Variants in PDZD2 observed in about 807,000 individuals in gnomAD.
The protein encoded by PDZD2 is PDZ domain containing 2.
In PDZD2, 90 loss-of-function variants were observed where a neutral mutation model predicts 220.7. That is an observed-to-expected ratio of 0.41 (90% confidence interval 0.34 to 0.49). The LOEUF is 0.49. Among genes scored for constraint, PDZD2 ranks in the 20% least tolerant of loss-of-function variants. The probability of loss-of-function intolerance (pLI) is 0.28; values close to 1 mark genes in which losing one functional copy is unlikely to be tolerated. For missense variants in PDZD2, 3,174 were observed against 3,608.5 expected (o/e 0.88, Z 3.08); for synonymous variants, 1,375 against 1,450.5 (o/e 0.95, Z 1.18).
intron 6 of PDZD2, among the ~76,000 whole-genome samples, chr5:32,025,650 G>GGAGGGC (rs577532730): frequency 1.9e-3 from 236 of 125,158 alleles, no homozygotes; most frequent in Non-Finnish European, 2.9e-3. Flanking sequence ...CACCCAGGCT[G>GGAGGGC]GAGGGCAGTG....
At position 31,645,827 on chromosome 5, in the gene PDZD2, G is replaced by T. The variant is rs113109283; in HGVS notation, c.-361+6390G>T. On this transcript the variant is annotated intron_variant, in intron 1 of 24. Transcript: ENST00000438447. ...CCTACCGTGAGCAGGGGCACGCTTT[G>T]TGCTGTGGCTACCCCAAAGTCAATT... Among the ~76,000 whole-genome samples, 776 of 152,202 alleles carry T rather than the reference G, an allele frequency of 5.1e-3. 9 individuals carry two copies. Among genetic ancestry groups the T allele is most frequent in the African/African-American group, 0.018 (731 of 41,502 alleles).
chr5:31,965,390 G>T (rs760623239), intron 2 of PDZD2, among the ~76,000 whole-genome samples: 2 of 152,156 alleles, frequency 1.3e-5, no homozygotes, highest in Non-Finnish European at 2.9e-5. Context: ...TCTCACCCTA[G>T]CCTTTTAATA....
At chr5:31,750,201 A>G (rs2150176005) in intron 1 of PDZD2, among the ~76,000 whole-genome samples, 1 of 152,216 alleles carries the variant, frequency 6.6e-6, no homozygotes, top group South Asian at 2.1e-4. Context: ...GCTTCCAGTC[A>G]TGGCTTTTCT....
intron 18 of PDZD2, among the ~76,000 whole-genome samples, chr5:32,074,863 T>G (rs1451849725): frequency 6.6e-6 from 1 of 150,496 alleles, no homozygotes; most frequent in Non-Finnish European, 1.5e-5. Flanking sequence ...CAGGCGGGAG[T>G]GCAGTGGCGC....
At chr5:32,053,232 G>A (rs1738758186) in intron 9 of PDZD2, among the ~76,000 whole-genome samples, 1 of 152,226 alleles carries the variant, frequency 6.6e-6, no homozygotes, top group Non-Finnish European at 1.5e-5. Context: ...TGAAAGAAAA[G>A]CAGAGCCTGC....
At position 32,098,910 on chromosome 5, in the gene PDZD2, AATCTCTTAC is replaced by A. The variant is rs1232129061; in HGVS notation, c.8218+279_8218+287del. 6.6e-6 allele frequency among the ~76,000 whole-genome samples: 1 copy of A among 152,214 alleles called. No individual in the cohort carries two copies. The highest frequency in any genetic ancestry group is 1.5e-5 in the Non-Finnish European group (1 of 68,030). On this transcript the variant is annotated intron_variant, in intron 23 of 24. Transcript: ENST00000438447. This position sits in a 1 kb window ranked among gnomAD's most constrained non-coding sequence, Gnocchi z 4.1. ...AGTTTCCCTAAGTGTCCTAAGAAGG[AATCTCTTAC>A]ATTCACAGCCTCTTGTTAGGACTGG...
chr5:31,774,404 A>ACAAGT (rs3032829), intron 1 of PDZD2, among the ~76,000 whole-genome samples: 8,012 of 152,142 alleles, frequency 0.053, 658 homozygotes, highest in African/African-American at 0.18. Context: ...AAAAAAGAAA[A>ACAAGT]CAAAGAAGAT....
At chr5:31,851,379 A>G (rs767774815) in intron 2 of PDZD2, among the ~76,000 whole-genome samples, 17 of 152,122 alleles carry the variant, frequency 1.1e-4, no homozygotes, top group Non-Finnish European at 2.2e-4. Context: ...CAATATGCAG[A>G]TTCCTATTAA....
At chr5:32,007,213 C>T (rs1011460626) in intron 5 of PDZD2, among the ~76,000 whole-genome samples, 6 of 151,768 alleles carry the variant, frequency 4.0e-5, no homozygotes, top group Admixed American at 6.6e-5. Flanking sequence ...CCACCGCGCC[C>T]GGCCTGCCAT....
chr5:31,767,135 G>A (rs750222570), intron 1 of PDZD2, among the ~76,000 whole-genome samples: 19 of 149,948 alleles, frequency 1.3e-4, no homozygotes, highest in South Asian at 2.1e-4. Context: ...GGGTTCAAGC[G>A]ATTCTCCTGC....
chr5:32,071,239 TC>T, intron 15 of PDZD2, 144 bp from the exon 16 acceptor site: 1 of 728,942 alleles, frequency 1.4e-6, no homozygotes, highest in Non-Finnish European at 2.5e-6. Flanking sequence ...TGCATGCACG[TC>T]TAACCCTGTG....
intron 19 of PDZD2, among the ~76,000 whole-genome samples, chr5:32,079,928 C>T (rs990512245): frequency 6.6e-6 from 1 of 152,158 alleles, no homozygotes; most frequent in African/African-American, 2.4e-5. Flanking sequence ...CTCTTTGTTC[C>T]TTTGTTAGTG....
chr5:31,744,693 T>C (rs1750481415), intron 1 of PDZD2, among the ~76,000 whole-genome samples: 1 of 152,192 alleles, frequency 6.6e-6, no homozygotes, highest in Non-Finnish European at 1.5e-5. Context: ...AGTCCAAGGA[T>C]ATAGTCAAAT....
At chr5:31,947,243 TA>T (rs1746723210) in intron 2 of PDZD2, among the ~76,000 whole-genome samples, 2 of 152,230 alleles carry the variant, frequency 1.3e-5, no homozygotes, top group African/African-American at 4.8e-5. Flanking sequence ...TGAAATCCAC[TA>T]TTCTAAGCCC....
intron 2 of PDZD2, among the ~76,000 whole-genome samples, chr5:31,907,532 G>C (rs1398223465): frequency 6.6e-6 from 1 of 152,170 alleles, no homozygotes; most frequent in African/African-American, 2.4e-5. Flanking sequence ...ACCCATCTGG[G>C]TTATTGTGCC....
intron 1 of PDZD2, among the ~76,000 whole-genome samples, chr5:31,765,258 T>C (rs1435964698): frequency 2.0e-5 from 3 of 152,008 alleles, no homozygotes; most frequent in Non-Finnish European, 2.9e-5. Flanking sequence ...GGTAACCAGA[T>C]TGTCAGAGCT....
Position 31,983,570 on chromosome 5 carries a change from G to T in PDZD2, c.892G>T (p.Asp298Tyr). 1 of 1,614,198 alleles carries T rather than the reference G, an allele frequency of 6.2e-7. No homozygotes were observed. The highest frequency in any genetic ancestry group is 8.5e-7 in the Non-Finnish European group (1 of 1,180,030). ...RGTEHRIPKT[D>Y]APLTTSNDKR... ...GACAGAGCATAGAATTCCAAAGACA[G>T]ATGCTCCTCTGACCACAAGCAATGA... is the stretch of plus-strand genomic sequence containing the variant. Residue 298 changes from aspartate (D) to tyrosine (Y), a missense_variant, in exon 3 of 25, where the codon GAT becomes TAT. By Grantham distance (160) the Asp-to-Tyr change is radical (BLOSUM62 -3). Coordinates refer to ENST00000438447, the MANE Select transcript of PDZD2 (RefSeq NM_178140.4).
In PDZD2 at chr5:32,061,068, C is replaced by T. The variant is rs775110641; in HGVS notation, c.2385C>T (p.His795=). Residue 795 remains histidine (H), a synonymous_variant, in exon 14 of 25, where the codon CAC becomes CAT. Transcript: ENST00000438447. ...GCCATGCTGCTTTAAGCAAAGTCCA[C>T]GCCATCTTGAGTAAATGCCCTCCAG... ...NVRHAALSKV[H]AILSKCPPGP... is the part of the protein sequence containing the mutation. The T allele has an allele frequency of 1.9e-5, 31 of 1,614,106 alleles. No individual in the cohort carries two copies. The South Asian group carries it at 2.9e-4, about 15-fold the overall frequency.
At chr5:31,689,350 T>TTTTTTTC (rs1224459988) in intron 1 of PDZD2, among the ~76,000 whole-genome samples, 1 of 58,272 alleles carries the variant, frequency 1.7e-5, no homozygotes, top group Non-Finnish European at 3.0e-5. Flanking sequence ...TATATATATA[T>TTTTTTTC]ATATTTTTTT....
Sources: gnomAD v4.1 joint callset for allele counts (sites outside exome capture counted in the v4.1 genomes callset) on GRCh38, gnomAD v4.1.1 for gene constraint, Gnocchi (gnomAD v3.1) non-coding constraint, MANE v1.5 for transcripts, NCBI Gene and HGNC (gene_info 2026-07-23, HGNC 2026-07-21) for gene names.